The following AFF3 variants were observed in gnomAD, a reference collection of about 807,000 sequenced individuals.
AFF3 encodes the protein ALF transcription elongation factor 3.
AFF3 carries 32 observed loss-of-function variants against 129.7 expected under a neutral mutation model. The ratio of observed to expected loss-of-function variants is 0.25; its 90% CI spans 0.19 to 0.33. The LOEUF is 0.33. AFF3 is among the 10% of genes least tolerant of loss of function. The probability of loss-of-function intolerance (pLI) is 1.00; values close to 1 mark genes in which losing one functional copy is unlikely to be tolerated. For synonymous variants in AFF3, 644 were observed against 635.4 expected, an observed-to-expected ratio of 1.01 and a Z score of -0.20; for missense variants, 1,373 against 1,592.0, an observed-to-expected ratio of 0.86 and a Z score of 2.34.
chr2:99,789,389 A>G (rs1685034307), intron 8 of AFF3, among the ~76,000 whole-genome samples: 1 of 138,326 alleles, frequency 7.2e-6, no homozygotes, highest in Admixed American at 8.1e-5. Context: ...TCGAGGCTGC[A>G]GTGAGCTAAC....
chr2:99,955,341 G>C (rs989898391), intron 7 of AFF3, among the ~76,000 whole-genome samples: 1 of 152,104 alleles, frequency 6.6e-6, no homozygotes, highest in African/African-American at 2.4e-5. Context: ...ATTATTCCAA[G>C]GCAGCAATTA....
At chr2:99,796,679 A>T (rs1301119058) in intron 8 of AFF3, among the ~76,000 whole-genome samples, 1 of 152,206 alleles carries the variant, frequency 6.6e-6, no homozygotes, top group Non-Finnish European at 1.5e-5. Flanking sequence ...AATCTTGAAT[A>T]TCTGCAGGTC....
At chr2:99,741,225 T>C (rs377026829) in intron 10 of AFF3, among the ~76,000 whole-genome samples, 52 of 152,086 alleles carry the variant, frequency 3.4e-4, no homozygotes, top group African/African-American at 1.0e-3. Flanking sequence ...CCAGGGCAAT[T>C]AGGCAGGAGA....
At chr2:99,843,144 A>G (rs1414960809) in intron 7 of AFF3, among the ~76,000 whole-genome samples, 2 of 152,234 alleles carry the variant, frequency 1.3e-5, no homozygotes, top group African/African-American at 2.4e-5. Flanking sequence ...CAATACCACA[A>G]AAGCATTGGT....
intron 4 of AFF3, among the ~76,000 whole-genome samples, chr2:100,075,839 A>C (rs571420424): frequency 6.6e-6 from 1 of 152,120 alleles, no homozygotes; most frequent in East Asian, 1.9e-4. Flanking sequence ...CCTCGATGAG[A>C]TGTTTTGTGC....
intron 7 of AFF3, among the ~76,000 whole-genome samples, chr2:99,872,593 CAAAAATAAAATAAAATAAAATAAAA>C (rs968680778): frequency 5.8e-5 from 7 of 120,798 alleles, no homozygotes; most frequent in Admixed American, 2.3e-4. Context: ...ATGCTTCTTA[CAAAAATAAAATAAAATAAAATAAAA>C]TAAAATAAAA....
At chr2:99,757,081 C>T (rs892291892) in intron 8 of AFF3, among the ~76,000 whole-genome samples, 6 of 152,214 alleles carry the variant, frequency 3.9e-5, no homozygotes, top group African/African-American at 1.2e-4. Context: ...CATGCTCATT[C>T]TTTTTTGCTG....
chr2:99,578,206 AG>A, intron 18 of AFF3, 120 bp downstream of exon 18: 1 of 1,358,824 alleles, frequency 7.4e-7, no homozygotes, highest in Non-Finnish European at 9.7e-7. Context: ...ACCAAGTCCC[AG>A]GGGAAAAAAA....
intron 11 of AFF3, among the ~76,000 whole-genome samples, chr2:99,694,467 G>A (rs1044566544): frequency 3.3e-5 from 5 of 152,034 alleles, no homozygotes; most frequent in Admixed American, 6.5e-5. Context: ...TCACCCAGGC[G>A]CCAGGGAGAA....
At chr2:99,568,739 C>A in intron 19 of AFF3, 113 bp downstream of exon 19, 1 of 1,056,804 alleles carries the variant, frequency 9.5e-7, no homozygotes, top group Non-Finnish European at 1.5e-6. Flanking sequence ...ATTGAACAGA[C>A]CCGGCCATCC....
chr2:100,061,188 T>C (rs1418260644), intron 4 of AFF3, among the ~76,000 whole-genome samples: 1 of 152,212 alleles, frequency 6.6e-6, no homozygotes, highest in East Asian at 1.9e-4. Context: ...TTCCTTGCCC[T>C]AGTGTGATGT....
At chr2:99,672,615 A>C in intron 11 of AFF3, 26 bp from the exon 12 acceptor site, 1 of 1,611,096 alleles carries the variant, frequency 6.2e-7, no homozygotes, top group Non-Finnish European at 8.5e-7. Context: ...AAGAGGTACA[A>C]AGAGGTACAG....
intron 2 of AFF3, chr2:100,106,044 G>T: frequency 7.6e-7 from 1 of 1,316,836 alleles, no homozygotes. Context: ...ACCCACCTCC[G>T]AATGAGGATT....
intron 8 of AFF3, among the ~76,000 whole-genome samples, chr2:99,784,890 T>G (rs1684677416): frequency 6.6e-6 from 1 of 152,224 alleles, no homozygotes; most frequent in African/African-American, 2.4e-5. Context: ...CATGATAACC[T>G]GATCAGGAGG....
intron 22 of AFF3, among the ~76,000 whole-genome samples, chr2:99,557,690 A>T (rs56976818): frequency 0.08 from 12,170 of 152,216 alleles, 1,683 homozygotes; most frequent in African/African-American, 0.28. Context: ...CTTGTCCTGA[A>T]GACACAGGAC....
intron 4 of AFF3, among the ~76,000 whole-genome samples, chr2:100,054,373 C>T (rs1686599130): frequency 6.6e-6 from 1 of 152,186 alleles, no homozygotes; most frequent in African/African-American, 2.4e-5. Context: ...AAGCAGGTTG[C>T]CCTCCCTAAC....
intron 7 of AFF3, 43 bp downstream of exon 7, chr2:100,006,589 G>A: frequency 6.5e-7 from 1 of 1,540,048 alleles, no homozygotes; most frequent in Non-Finnish European, 8.8e-7. Flanking sequence ...ATTGTCACTT[G>A]TAACTATGCA....
At chr2:99,915,200 G>A (rs1695393027) in intron 7 of AFF3, among the ~76,000 whole-genome samples, 1 of 151,986 alleles carries the variant, frequency 6.6e-6, no homozygotes, top group African/African-American at 2.4e-5. Flanking sequence ...TCTCGATAAT[G>A]GAACAGATTA....
At chr2:100,007,667 G>T (rs60197820) in intron 5 of AFF3, 37 of 599,160 alleles carry the variant, frequency 6.2e-5, no homozygotes, top group Non-Finnish European at 9.9e-5. Flanking sequence ...TGGCCTTGGG[G>T]TGCATAAAAA....
Sources: allele counts gnomAD v4.1 joint callset (sites outside exome capture counted in the v4.1 genomes callset), GRCh38; gene constraint gnomAD v4.1.1; transcripts MANE v1.5; gene names NCBI Gene and HGNC (gene_info 2026-07-23, HGNC 2026-07-21).